ZFAT: variants seen among roughly 807,000 people sequenced by gnomAD.
The protein encoded by ZFAT is zinc finger protein ZFAT.
In ZFAT, 64 loss-of-function variants were observed where a neutral mutation model predicts 117.7. The ratio of observed to expected loss-of-function variants is 0.54; its 90% CI spans 0.44 to 0.67. ZFAT has a LOEUF of 0.67. ZFAT is among the 30% of genes least tolerant of loss of function. The pLI, the probability that ZFAT is intolerant of heterozygous loss-of-function variation, is 0.00. For missense variants in ZFAT, 1,433 were observed against 1,584.5 expected (o/e 0.90, Z 1.62); for synonymous variants, 679 against 615.0 (o/e 1.10, Z -1.54).
chr8:134,795,357 A>G, the ZFAT span: 1 of 152,228 alleles, frequency 6.6e-6, no homozygotes, highest in South Asian at 2.1e-4. Flanking sequence ...CAATGATGTA[A>G]TCAATCATGC....
chr8:134,506,846 C>CTCAAAAGA (rs1364631721), intron 15 of ZFAT, among the ~76,000 whole-genome samples: 13 of 152,210 alleles, frequency 8.5e-5, no homozygotes, highest in African/African-American at 2.9e-4. Context: ...CCAAAAAGAT[C>CTCAAAAGA]TCAAAAGATG....
intron 11 of ZFAT, among the ~76,000 whole-genome samples, chr8:134,555,529 T>A (rs1457569973): frequency 1.3e-5 from 2 of 152,122 alleles, no homozygotes; most frequent in Non-Finnish European, 2.9e-5. Context: ...TCCACCACAC[T>A]AATAACATAT....
intron 4 of ZFAT, among the ~76,000 whole-genome samples, chr8:134,609,714 A>G (rs915984051): frequency 6.6e-6 from 1 of 152,214 alleles, no homozygotes; most frequent in Non-Finnish European, 1.5e-5. Context: ...ACTTTGAAAC[A>G]CTATTATAAA....
chr8:134,650,335 C>T lies in ZFAT; in HGVS notation c.196+7226G>A, dbSNP rs4341127. Among the ~76,000 whole-genome samples the T allele has an allele frequency of 2.5e-3, 382 of 151,988 alleles. 1 individual carries two copies. Among genetic ancestry groups the T allele is most frequent in the Admixed American group, 4.1e-3 (63 of 15,268 alleles). ...TAGAGACGGGGTGTCACCATAATGG[C>T]CAGGCTGGTCTCGAACTCCTGACCT... On this transcript the variant is annotated intron_variant, in intron 2 of 15. Transcript: ENST00000377838.
chr8:134,504,998 ACTC>A (rs1295586493), intron 15 of ZFAT, among the ~76,000 whole-genome samples: 6 of 151,184 alleles, frequency 4.0e-5, no homozygotes, highest in African/African-American at 1.5e-4. Context: ...TCCCCACAGC[ACTC>A]CTGGGTCCCT....
At chr8:134,610,245 C>T (rs1195714587) in intron 4 of ZFAT, among the ~76,000 whole-genome samples, 1 of 152,212 alleles carries the variant, frequency 6.6e-6, no homozygotes, top group Non-Finnish European at 1.5e-5. Flanking sequence ...GGGACTACAG[C>T]AAGAGCAGCG....
chr8:134,754,598 C>T, the ZFAT span, among the ~76,000 whole-genome samples: 1 of 152,234 alleles, frequency 6.6e-6, no homozygotes, highest in African/African-American at 2.4e-5. Flanking sequence ...GTCACTCAGT[C>T]TTGCCTGCCG....
Position 134,622,148 on chromosome 8 carries a change from T to C in ZFAT, c.449-11493A>G, listed in dbSNP as rs188441960. 7.2e-5 allele frequency among the ~76,000 whole-genome samples: 11 copies of C among 152,160 alleles called. No individual in the cohort carries two copies. In the East Asian group the frequency reaches 2.1e-3, roughly 29 times the overall value. On this transcript the variant is annotated intron_variant, in intron 3 of 15. Coordinates refer to ENST00000377838, the MANE Select transcript of ZFAT (RefSeq NM_020863.4). Reference sequence around the variant, plus strand: ...ATGAAAGTCCTACTCAGGCCTGAGGTTGGGATGATGACTTCTTTCTGGTTT... The same window carrying C: ...ATGAAAGTCCTACTCAGGCCTGAGGCTGGGATGATGACTTCTTTCTGGTTT...
chr8:134,710,491 G>A (rs984107124), intron 1 of ZFAT, among the ~76,000 whole-genome samples: 2 of 152,162 alleles, frequency 1.3e-5, no homozygotes, highest in South Asian at 2.1e-4. Context: ...TTCTTTGGAC[G>A]TACCTATGAT....
intron 2 of ZFAT, among the ~76,000 whole-genome samples, chr8:134,647,329 T>C (rs1830957261): frequency 1.3e-5 from 2 of 152,156 alleles, no homozygotes; most frequent in African/African-American, 2.4e-5. Context: ...CAACCCTTCA[T>C]GATAAAAACT....
chr8:134,482,000 G>A (rs5025124), intron 15 of ZFAT, among the ~76,000 whole-genome samples: 44,215 of 151,868 alleles, frequency 0.29, 6,605 homozygotes, highest in Non-Finnish European at 0.34. Flanking sequence ...CTTCCAGAGC[G>A]TTCTCTACCA....
chr8:134,737,820 T>C, the ZFAT span, among the ~76,000 whole-genome samples: 10 of 152,224 alleles, frequency 6.6e-5, no homozygotes, highest in Non-Finnish European at 1.5e-5. Flanking sequence ...ATCTCTCGGC[T>C]CCTATCCAAG....
At chr8:134,549,481 G>A (rs1822973597) in intron 11 of ZFAT, among the ~76,000 whole-genome samples, 1 of 150,642 alleles carries the variant, frequency 6.6e-6, no homozygotes, top group Admixed American at 6.6e-5. Flanking sequence ...GAAGAAATAC[G>A]AGTTCATCCC....
At chr8:134,583,104 C>T (rs904532559) in intron 10 of ZFAT, among the ~76,000 whole-genome samples, 7 of 152,244 alleles carry the variant, frequency 4.6e-5, no homozygotes, top group South Asian at 2.1e-4. Flanking sequence ...CACTGCCCAC[C>T]GAGCTCACCA....
chr8:134,620,634 A>C (rs969187419), intron 3 of ZFAT, among the ~76,000 whole-genome samples: 1 of 152,214 alleles, frequency 6.6e-6, no homozygotes, highest in Non-Finnish European at 1.5e-5. Flanking sequence ...GGTAATAAGC[A>C]CGGCTGCTAA....
At chr8:134,637,423 T>A (rs1486988203) in intron 3 of ZFAT, 38 bp downstream of exon 3, 2 of 1,581,998 alleles carry the variant, frequency 1.3e-6, no homozygotes, top group African/African-American at 2.7e-5. Flanking sequence ...CACCTCTTCA[T>A]AAGAAATTGA....
chr8:134,803,418 T>C, the ZFAT span, among the ~76,000 whole-genome samples: 1 of 152,174 alleles, frequency 6.6e-6, no homozygotes, highest in Admixed American at 6.5e-5. Context: ...AGGTTTCCAA[T>C]GTGCTAAAAC....
At chr8:134,750,034 T>G in the ZFAT span, among the ~76,000 whole-genome samples, 1 of 152,214 alleles carries the variant, frequency 6.6e-6, no homozygotes, top group South Asian at 2.1e-4. Flanking sequence ...CAATTGGAAT[T>G]TTGATTGGGG....
intron 15 of ZFAT, among the ~76,000 whole-genome samples, chr8:134,489,820 T>G (rs1817925177): frequency 6.6e-6 from 1 of 152,160 alleles, no homozygotes; most frequent in African/African-American, 2.4e-5. Flanking sequence ...CAAATAGTCA[T>G]TTCCAAGTTA....
Sources: gnomAD v4.1 joint callset for allele counts (sites outside exome capture counted in the v4.1 genomes callset) on GRCh38, gnomAD v4.1.1 for gene constraint, MANE v1.5 for transcripts, NCBI Gene and HGNC (gene_info 2026-07-23, HGNC 2026-07-21) for gene names.